The following SCFD2 variants were observed in gnomAD, a reference collection of about 807,000 sequenced individuals.
SCFD2 encodes sec1 family domain-containing protein 2.
In SCFD2, 54 loss-of-function variants were observed where a neutral mutation model predicts 58.9. The observed-to-expected ratio is 0.92, with a 90% CI of 0.74 to 1.15. SCFD2 has a LOEUF of 1.15. Among genes scored for constraint, SCFD2 ranks in the 50% most tolerant of loss-of-function variants. SCFD2 has a pLI of 0.00. For missense variants in SCFD2, 805 were observed against 836.6 expected (o/e 0.96, Z 0.47); for synonymous variants, 321 against 335.9 (o/e 0.96, Z 0.49).
intron 4 of SCFD2, among the ~76,000 whole-genome samples, chr4:53,183,617 C>G (rs189243665): frequency 6.6e-6 from 1 of 151,092 alleles, no homozygotes; most frequent in Non-Finnish European, 1.5e-5. Flanking sequence ...CAGACCTGCA[C>G]GTTGTGCACA....
At chr4:53,207,241 C>T (rs1728433679) in intron 4 of SCFD2, among the ~76,000 whole-genome samples, 1 of 150,262 alleles carries the variant, frequency 6.7e-6, no homozygotes, top group Non-Finnish European at 1.5e-5. Context: ...AAGTTTCCAA[C>T]CTATGAACTT....
At chr4:53,301,429 A>C (rs1009015142) in intron 3 of SCFD2, among the ~76,000 whole-genome samples, 2 of 151,996 alleles carry the variant, frequency 1.3e-5, no homozygotes, top group Non-Finnish European at 2.9e-5. Context: ...ATAGACCAAT[A>C]ACAGGCTCTG....
intron 5 of SCFD2, among the ~76,000 whole-genome samples, chr4:53,069,511 C>A (rs540262127): frequency 6.6e-6 from 1 of 152,100 alleles, no homozygotes; most frequent in East Asian, 1.9e-4. Flanking sequence ...TCACAGTAGT[C>A]AGTCATGGGG....
Position 52,942,394 on chromosome 4 carries a change from G to C in SCFD2, c.1562-21524C>G, listed in dbSNP as rs758077253. Among the ~76,000 whole-genome samples the C allele has an allele frequency of 6.4e-4, 98 of 152,290 alleles. 1 individual carries two copies. The highest frequency in any genetic ancestry group is 3.4e-3 in the Middle Eastern group (1 of 294). ...TGTCATGCTAGAGGAACTGGGAGCTGATCTGGACAGATGTGACTATCTTAG... is the reference window on the plus strand; with the variant it reads ...TGTCATGCTAGAGGAACTGGGAGCTCATCTGGACAGATGTGACTATCTTAG... On this transcript the variant is annotated intron_variant, in intron 5 of 8. Coordinates refer to ENST00000401642, the MANE Select transcript of SCFD2 (RefSeq NM_152540.4).
intron 4 of SCFD2, among the ~76,000 whole-genome samples, chr4:53,248,200 A>T (rs1730181687): frequency 6.6e-6 from 1 of 152,208 alleles, no homozygotes; most frequent in Admixed American, 6.5e-5. Context: ...CCACCCAAAT[A>T]CTGCGCTTTT....
intron 5 of SCFD2, among the ~76,000 whole-genome samples, chr4:52,924,643 T>C (rs749573862): frequency 2.6e-5 from 4 of 152,150 alleles, no homozygotes; most frequent in Non-Finnish European, 5.9e-5. Flanking sequence ...TTATCAGTCT[T>C]TAAGCATTTT....
At chr4:53,145,265 GTATT>G (rs1473705785) in intron 5 of SCFD2, 64 bp downstream of exon 5, 3 of 1,558,838 alleles carry the variant, frequency 1.9e-6, no homozygotes, top group Non-Finnish European at 2.6e-6. Flanking sequence ...TCCCAAAACA[GTATT>G]TATTTTGAAA....
At chr4:53,220,422 T>C (rs1577858539) in intron 4 of SCFD2, among the ~76,000 whole-genome samples, 2 of 152,364 alleles carry the variant, frequency 1.3e-5, no homozygotes, top group South Asian at 4.1e-4. Flanking sequence ...AACTGCTCTA[T>C]TCCTACCACA....
chr4:53,192,886 A>G (rs531926882), intron 4 of SCFD2, among the ~76,000 whole-genome samples: 2 of 152,334 alleles, frequency 1.3e-5, no homozygotes, highest in East Asian at 1.9e-4. Flanking sequence ...ACAGCATCTT[A>G]TAAGAATCTT....
chr4:52,945,976 T>G (rs890586321), intron 5 of SCFD2, among the ~76,000 whole-genome samples: 3 of 152,214 alleles, frequency 2.0e-5, no homozygotes, highest in African/African-American at 7.2e-5. Flanking sequence ...AAGCAAATGC[T>G]GCATCCTTTT....
chr4:53,168,625 T>A (rs1483294849), intron 4 of SCFD2, among the ~76,000 whole-genome samples: 1 of 152,194 alleles, frequency 6.6e-6, no homozygotes, highest in Non-Finnish European at 1.5e-5. Flanking sequence ...TATAGATTGA[T>A]ATATTATAGT....
chr4:52,923,301 A>G (rs1397404263), intron 5 of SCFD2, among the ~76,000 whole-genome samples: 1 of 151,878 alleles, frequency 6.6e-6, no homozygotes, highest in Non-Finnish European at 1.5e-5. Context: ...ACATGGTGAA[A>G]CCCTGTCTCT....
Position 52,885,815 on chromosome 4 carries a change from C to T in SCFD2, c.1894G>A (p.Gly632Ser), listed in dbSNP as rs139284467. 1.5e-4 allele frequency: 247 copies of T among 1,614,012 alleles called. No homozygotes were observed. The highest frequency in any genetic ancestry group is 2.1e-4 in the Non-Finnish European group (243 of 1,179,990). The part of the protein sequence containing the change: ...DYPLLILFVV[G>S]GVTVSEVKMV... The stretch of plus-strand genomic sequence containing the variant: ...TTCACTTCAGAGACTGTGACCCCAC[C>T]TACCACAAAGAGGATCAGGAGGGGG... Residue 632 changes from glycine (G) to serine (S), a missense_variant, in exon 8 of 9, where the codon GGT (glycine) becomes AGT (serine). By Grantham distance (56) the Gly-to-Ser change is moderately conservative. Around this residue, in one of 3 missense-constraint regions of SCFD2, gnomAD observed 633 missense variants for 646.8 expected, o/e 0.98. Transcript: ENST00000401642.
chr4:53,007,634 A>G (rs1436937557), intron 5 of SCFD2, among the ~76,000 whole-genome samples: 1 of 152,278 alleles, frequency 6.6e-6, no homozygotes, highest in Admixed American at 6.5e-5. Flanking sequence ...TACCTGTAAA[A>G]TGGAGGTAAT....
Position 53,229,964 on chromosome 4 carries a change from G to T in SCFD2, c.1311+43862C>A, listed in dbSNP as rs533959188. 2.9e-3 allele frequency among the ~76,000 whole-genome samples: 441 copies of T among 152,114 alleles called. 2 individuals are homozygous for T. Among genetic ancestry groups the T allele is most frequent in the African/African-American group, 0.01 (418 of 41,520 alleles). ...ACCCCATCAAAAAGTGGGCCAAGGA[G>T]ATGAACAGACACTTCTCAAAAGAAG... On this transcript the variant is annotated intron_variant, in intron 4 of 8. Transcript: ENST00000401642.
chr4:53,149,774 A>G (rs1159173883), intron 4 of SCFD2, among the ~76,000 whole-genome samples: 1 of 152,126 alleles, frequency 6.6e-6, no homozygotes, highest in African/African-American at 2.4e-5. Context: ...CTTCCCCAGA[A>G]CCCATAACCC....
chr4:53,145,506 T>C lies in SCFD2; in HGVS notation c.1388A>G (p.Asn463Ser), dbSNP rs1317633348. 1.2e-6 allele frequency: 2 copies of C among 1,614,146 alleles called. No individual in the cohort carries two copies. The highest frequency in any genetic ancestry group is 1.7e-6 in the Non-Finnish European group (2 of 1,179,990). ...PMIKPVTQRT[N>S]EDYSPEELLI... ...CAGTTCCTCAGGGCTGTAGTCCTCG[T>C]TGGTTCTCTGGGTTACAGGCTTAAT... is the stretch of plus-strand genomic sequence containing the variant. Residue 463 changes from asparagine (N) to serine (S), a missense_variant, in exon 5 of 9, where the codon AAC (asparagine) becomes AGC (serine). Asn to Ser is a conservative substitution (Grantham distance 46, BLOSUM62 1). Coordinates refer to ENST00000401642, the MANE Select transcript of SCFD2 (RefSeq NM_152540.4).
At chr4:53,318,104 T>TGTAGA (rs1732919235) in intron 2 of SCFD2, among the ~76,000 whole-genome samples, 1 of 152,194 alleles carries the variant, frequency 6.6e-6, no homozygotes. Flanking sequence ...GTAGAATTCA[T>TGTAGA]ACACACTGAA....
chr4:53,306,164 T>C (rs1484634875), intron 3 of SCFD2, among the ~76,000 whole-genome samples: 1 of 152,200 alleles, frequency 6.6e-6, no homozygotes, highest in East Asian at 1.9e-4. Flanking sequence ...CCCAGGATAC[T>C]GAACCATAGG....
Sources: gnomAD v4.1 joint callset for allele counts (sites outside exome capture counted in the v4.1 genomes callset) on GRCh38, gnomAD v4.1.1 for gene constraint, gnomAD v4.1.1 regional missense constraint, MANE v1.5 for transcripts, NCBI Gene and HGNC (gene_info 2026-07-23, HGNC 2026-07-21) for gene names.